MMP2: variants seen among roughly 807,000 people sequenced by gnomAD.
MMP2 encodes matrix metallopeptidase 2.
In MMP2, 39 loss-of-function variants were observed where a neutral mutation model predicts 74.8. The observed-to-expected ratio is 0.52, with a 90% CI of 0.40 to 0.68. MMP2 has a LOEUF of 0.68. Ranked by LOEUF, MMP2 falls within the 30% of genes least tolerant of loss-of-function variation. MMP2 has a pLI of 0.00. For missense variants in MMP2, 803 were observed against 878.3 expected (o/e 0.91, Z 1.08); for synonymous variants, 367 against 339.8 (o/e 1.08, Z -0.88).
At chr16:55,479,975 TGGC>T (rs199624654) in intron 1 of MMP2, 2 of 50,752 alleles carry the variant, frequency 3.9e-5, no homozygotes, top group African/African-American at 1.1e-4. Flanking sequence ...CTGGGACATT[TGGC>T]GGGGGGGGGG....
chr16:55,496,414 T>C (rs1240149258), intron 9 of MMP2, among the ~76,000 whole-genome samples: 1 of 146,470 alleles, frequency 6.8e-6, no homozygotes, highest in Non-Finnish European at 1.5e-5. Flanking sequence ...TCTTAAAAGA[T>C]TGTGGGGATT....
chr16:55,492,005 T>A, intron 8 of MMP2, 49 bp downstream of exon 8: 3 of 1,541,488 alleles, frequency 1.9e-6, no homozygotes, highest in Non-Finnish European at 1.8e-6. Context: ...AGGGGGGAGG[T>A]CATGTAGCCT....
At chr16:55,497,227 C>T (rs1029650926) in intron 10 of MMP2, among the ~76,000 whole-genome samples, 165 bp downstream of exon 10, 11 of 152,190 alleles carry the variant, frequency 7.2e-5, no homozygotes, top group African/African-American at 1.7e-4. Flanking sequence ...TCCTGAAGTG[C>T]GCAGCTCCTC....
intron 12 of MMP2, 121 bp downstream of exon 12, chr16:55,503,009 A>G (rs1051388959): frequency 3.9e-6 from 3 of 776,200 alleles, no homozygotes; most frequent in Non-Finnish European, 6.6e-6. Flanking sequence ...GCCCAGGAAA[A>G]CAAATCAACT....
chr16:55,485,920 T>A, intron 5 of MMP2, 143 bp downstream of exon 5: 1 of 806,694 alleles, frequency 1.2e-6, no homozygotes, highest in South Asian at 1.5e-5. Flanking sequence ...CTTCACTCAG[T>A]TCCCCCCCAT....
chr16:55,491,981 GGTGGAGGGT>G, intron 8 of MMP2, 25 bp downstream of exon 8: 1 of 1,583,344 alleles, frequency 6.3e-7, no homozygotes, highest in Non-Finnish European at 8.6e-7. Flanking sequence ...GGGGGTTGGG[GGTGGAGGGT>G]GAGGAGGGGG....
intron 8 of MMP2, among the ~76,000 whole-genome samples, chr16:55,492,589 A>G (rs1415251202): frequency 1.3e-5 from 2 of 152,008 alleles, no homozygotes; most frequent in African/African-American, 4.8e-5. Flanking sequence ...TGCTTGAGTG[A>G]TGAAGTTTGG....
intron 12 of MMP2, among the ~76,000 whole-genome samples, chr16:55,504,213 T>C (rs570589660): frequency 6.6e-6 from 1 of 152,300 alleles, no homozygotes; most frequent in South Asian, 2.1e-4. Context: ...ATATTCTAGT[T>C]TTTTTAAAGG....
chr16:55,497,173 T>G, intron 10 of MMP2, 111 bp downstream of exon 10: 2 of 1,401,862 alleles, frequency 1.4e-6, no homozygotes, highest in Non-Finnish European at 2.0e-6. Context: ...TATGCACCCG[T>G]GGGTGCTCCC....
Position 55,481,914 on chromosome 16 carries a change from A to C in MMP2, c.154-995A>C, listed in dbSNP as rs17859854. ...AATAAGCACTAGCCATTATTCTATT[A>C]TATTATTATTATTGTTATGTCCTCC... On this transcript the variant is annotated intron_variant, in intron 1 of 12. Transcript: ENST00000219070. The C allele has an allele frequency of 3.4e-3, 2,409 of 700,442 alleles. 39 individuals carry two copies. Among genetic ancestry groups the C allele is most frequent in the Admixed American group, 0.032 (1,567 of 48,578 alleles). The allele number at this position is 700,442 out of a possible 1,614,324, so 43.4% of individuals were successfully genotyped here.
At chr16:55,480,503 C>T (rs1386045583) in intron 1 of MMP2, 1 of 152,240 alleles carries the variant, frequency 6.6e-6, no homozygotes, top group Non-Finnish European at 1.5e-5. Context: ...GAGAGCCCTC[C>T]TTCCTGGCTG....
chr16:55,502,729 A>G, intron 11 of MMP2, 50 bp from the exon 12 acceptor site: 8 of 1,519,840 alleles, frequency 5.3e-6, no homozygotes, highest in East Asian at 2.2e-5. Context: ...CCAGGGGGGA[A>G]GTGTCCTTTA....
intron 6 of MMP2, among the ~76,000 whole-genome samples, chr16:55,489,013 C>T (rs1288752073): frequency 6.6e-6 from 1 of 152,200 alleles, no homozygotes; most frequent in Non-Finnish European, 1.5e-5. Context: ...CTCTCAGGCT[C>T]TCTGGCAGAG....
intron 9 of MMP2, among the ~76,000 whole-genome samples, chr16:55,494,553 C>T (rs1596821310): frequency 6.6e-6 from 1 of 152,168 alleles, no homozygotes; most frequent in South Asian, 2.1e-4. Context: ...AAGACAGGCG[C>T]ATGGGCCTCC....
intron 5 of MMP2, 116 bp downstream of exon 5, chr16:55,485,893 A>C: frequency 1.8e-6 from 2 of 1,094,488 alleles, no homozygotes; most frequent in East Asian, 4.7e-5. Context: ...CCAGTTAATG[A>C]GCATCCCTCC....
chr16:55,505,369 A>G lies in MMP2; in HGVS notation c.1910A>G (p.Tyr637Cys). ...AGCTACTTCTTCAAGGGTGCCTATT[A>G]CCTGAAGCTGGAGAACCAAAGTCTG... ...GHSYFFKGAY[Y>C]LKLENQSLKS... The change falls in exon 13 of 13, where the codon TAC becomes TGC. Residue 637 changes from tyrosine (Y) to cysteine (C), a missense_variant. This residue lies in a region of MMP2 where 555 missense variants were observed against 592.0 expected (regional missense o/e 0.94). Transcript: ENST00000219070. 6.2e-7 allele frequency: 1 copy of G among 1,614,040 alleles called. No individual in the cohort carries two copies. The highest frequency in any genetic ancestry group is 8.5e-7 in the Non-Finnish European group (1 of 1,179,980).
In MMP2 at chr16:55,498,453, G is replaced by C; in HGVS notation, c.1769+5G>C. On this transcript the variant is annotated splice_donor_5th_base_variant and intron_variant, in intron 11 of 12. Coordinates refer to ENST00000219070, the MANE Select transcript of MMP2 (RefSeq NM_004530.6). ...TGCTGGAGACAAATTCTGGAGGTAA[G>C]GGAGGGCGGTGGGTAGGACAGCAGC... is the stretch of plus-strand genomic sequence containing the variant. 6.2e-7 allele frequency: 1 copy of C among 1,614,178 alleles called. No individual in the cohort carries two copies.
At chr16:55,489,596 T>C in intron 6 of MMP2, 55 bp from the exon 7 acceptor site, 1 of 1,603,728 alleles carries the variant, frequency 6.2e-7, no homozygotes, top group South Asian at 1.1e-5. Flanking sequence ...CATTGCTTCC[T>C]GGTGGTAGCC....
chr16:55,487,339 CAG>C lies in MMP2; in HGVS notation c.833-1203_833-1202del, dbSNP rs1962283786. On this transcript the variant is annotated intron_variant, in intron 5 of 12. Transcript: ENST00000219070. ...CTTGTCAGGGGAATTTGGGAGGAGACAGGGGCTTCCTGGGTGGTAGAAATGAG... is the reference window on the plus strand; with the variant it reads ...CTTGTCAGGGGAATTTGGGAGGAGACGGGCTTCCTGGGTGGTAGAAATGAG... 3 of 152,472 alleles carry C rather than the reference CAG, an allele frequency of 2.0e-5. No individual in the cohort carries two copies. In the East Asian group the frequency reaches 5.8e-4, roughly 29 times the overall value. 9.4% of individuals were successfully genotyped at this position (152,472 alleles called of 1,614,324 possible).
Sources: allele counts gnomAD v4.1 joint callset (sites outside exome capture counted in the v4.1 genomes callset), GRCh38; gene constraint gnomAD v4.1.1; regional missense constraint gnomAD v4.1.1; transcripts MANE v1.5; gene names NCBI Gene and HGNC (gene_info 2026-07-23, HGNC 2026-07-21).